Variants in HDAC9 observed in about 807,000 individuals in gnomAD.
The protein encoded by HDAC9 is histone deacetylase 9.
HDAC9 carries 41 observed loss-of-function variants against 139.4 expected under a neutral mutation model. That is an observed-to-expected ratio of 0.29 (90% confidence interval 0.23 to 0.38). HDAC9 has a LOEUF of 0.38. Ranked by LOEUF, HDAC9 falls within the 10% of genes least tolerant of loss-of-function variation. The pLI is 1.00. For synonymous variants in HDAC9, 517 were observed against 476.2 expected (o/e 1.09, Z -1.12); for missense variants, 1,147 against 1,297.0 (o/e 0.88, Z 1.78).
chr7:18,687,157 C>G (rs1782334147), intron 12 of HDAC9, among the ~76,000 whole-genome samples: 1 of 151,838 alleles, frequency 6.6e-6, no homozygotes, highest in South Asian at 2.1e-4. Flanking sequence ...TATCAAAATT[C>G]TTAGTGTAGC....
At chr7:18,459,733 G>A (rs939540583) in intron 1 of HDAC9, among the ~76,000 whole-genome samples, 1 of 151,930 alleles carries the variant, frequency 6.6e-6, no homozygotes, top group Non-Finnish European at 1.5e-5. Context: ...TGTCCCCTTG[G>A]GCTACATCAT....
intron 1 of HDAC9, among the ~76,000 whole-genome samples, chr7:18,108,291 G>A (rs531730993): frequency 6.6e-6 from 1 of 152,172 alleles, no homozygotes; most frequent in African/African-American, 2.4e-5. Flanking sequence ...TGACCAGGGA[G>A]TGTGGGGCAG....
At chr7:18,589,610 A>G (rs949599164) in intron 3 of HDAC9, among the ~76,000 whole-genome samples, 2 of 152,174 alleles carry the variant, frequency 1.3e-5, no homozygotes, top group African/African-American at 4.8e-5. Flanking sequence ...AGTGAATTCA[A>G]GGGATTCAGA....
chr7:18,506,888 G>A (rs1253118643), intron 2 of HDAC9, among the ~76,000 whole-genome samples: 1 of 152,052 alleles, frequency 6.6e-6, no homozygotes, highest in Non-Finnish European at 1.5e-5. Context: ...ACTACCTCTT[G>A]ATGTTCCCAG....
intron 1 of HDAC9, among the ~76,000 whole-genome samples, chr7:18,435,059 C>CAAAAAAAAAAAAAAAAAAAAAAAAAAAA (rs376786180): frequency 1.5e-5 from 1 of 67,810 alleles, no homozygotes; most frequent in Non-Finnish European, 2.6e-5. Flanking sequence ...ACTACACAGC[C>CAAAAAAAAAAAAAAAAAAAAAAAAAAAA]AAAAAAAAAA....
At chr7:18,294,195 TCTAA>T (rs1454583898) in intron 1 of HDAC9, among the ~76,000 whole-genome samples, 1 of 152,106 alleles carries the variant, frequency 6.6e-6, no homozygotes, top group Non-Finnish European at 1.5e-5. Flanking sequence ...CAAAATATAT[TCTAA>T]CTACATTGTA....
At chr7:18,272,263 C>A (rs781632394) in intron 2 of HDAC9, among the ~76,000 whole-genome samples, 2 of 152,066 alleles carry the variant, frequency 1.3e-5, no homozygotes, top group South Asian at 2.1e-4. Context: ...TTGAAAGCAG[C>A]GCATCATTCA....
rs556083237 is a variant in HDAC9 at position 18,883,833 on chromosome 7, T to A, written c.2803+9237T>A. Among the ~76,000 whole-genome samples the A allele has an allele frequency of 3.9e-5, 6 of 152,120 alleles. No individual in the cohort carries two copies. The South Asian group carries it at 1.2e-3, about 32-fold the overall frequency. ...AAACCTGATAAAACCAATAATTAAATACAGTAAACTTGCAGAATATAATAT... is the reference window on the plus strand; with the variant it reads ...AAACCTGATAAAACCAATAATTAAAAACAGTAAACTTGCAGAATATAATAT... On this transcript the variant is annotated intron_variant, in intron 22 of 25. Transcript: ENST00000686413.
At chr7:18,950,072 T>C (rs1191786295) in intron 23 of HDAC9, among the ~76,000 whole-genome samples, 2 of 151,950 alleles carry the variant, frequency 1.3e-5, no homozygotes, top group Admixed American at 1.3e-4. Context: ...GGATTAGAGG[T>C]CTAGGTATTG....
At chr7:18,194,273 TTCCC>T (rs1790577672) in intron 2 of HDAC9, among the ~76,000 whole-genome samples, 1 of 152,218 alleles carries the variant, frequency 6.6e-6, no homozygotes, top group Non-Finnish European at 1.5e-5. Flanking sequence ...TAGGATTTTC[TTCCC>T]ATGTTTGGAA....
intron 2 of HDAC9, among the ~76,000 whole-genome samples, chr7:18,244,584 G>T (rs1462842001): frequency 6.6e-6 from 1 of 152,130 alleles, no homozygotes; most frequent in African/African-American, 2.4e-5. Context: ...GGATTACAAG[G>T]TCAGGAGTTC....
At chr7:18,610,254 G>T (rs1326269014) in intron 6 of HDAC9, among the ~76,000 whole-genome samples, 1 of 152,102 alleles carries the variant, frequency 6.6e-6, no homozygotes, top group Non-Finnish European at 1.5e-5. Flanking sequence ...GTGTTTGGAG[G>T]GGGTCATTTA....
At chr7:18,610,050 G>T (rs541464668) in intron 6 of HDAC9, among the ~76,000 whole-genome samples, 5 of 152,110 alleles carry the variant, frequency 3.3e-5, no homozygotes, top group Non-Finnish European at 4.4e-5. Context: ...CCCATTACTG[G>T]ATATGTACCC....
At chr7:18,169,333 A>G (rs1788240729) in intron 2 of HDAC9, among the ~76,000 whole-genome samples, 1 of 150,086 alleles carries the variant, frequency 6.7e-6, no homozygotes, top group South Asian at 2.1e-4. Flanking sequence ...CACCCCTCTT[A>G]TTTTCTCGGT....
intron 14 of HDAC9, among the ~76,000 whole-genome samples, chr7:18,759,031 A>G (rs1647388612): frequency 6.6e-6 from 1 of 152,182 alleles, no homozygotes; most frequent in South Asian, 2.1e-4. Flanking sequence ...AAAAAGATAA[A>G]TCAAAGTGAA....
chr7:18,980,963 A>C (rs571632730), intron 25 of HDAC9, among the ~76,000 whole-genome samples: 29 of 152,030 alleles, frequency 1.9e-4, no homozygotes, highest in South Asian at 4.2e-4. Context: ...ATCTGGGACT[A>C]CAGGCACGTG....
At chr7:18,175,175 C>T (rs1562709087) in intron 2 of HDAC9, among the ~76,000 whole-genome samples, 2 of 152,194 alleles carry the variant, frequency 1.3e-5, no homozygotes, top group South Asian at 4.1e-4. Flanking sequence ...GGACACCCCT[C>T]CCCCCTGCCA....
chr7:18,451,917 G>T (rs985170943), intron 1 of HDAC9, among the ~76,000 whole-genome samples: 4 of 152,116 alleles, frequency 2.6e-5, no homozygotes, highest in Non-Finnish European at 4.4e-5. Context: ...GAACAGCATG[G>T]CAATGTCACC....
intron 2 of HDAC9, among the ~76,000 whole-genome samples, chr7:18,523,077 G>A (rs1222788035): frequency 6.6e-6 from 1 of 152,128 alleles, no homozygotes; most frequent in African/African-American, 2.4e-5. Context: ...ATGAAGGGGA[G>A]TTCAGTGTTT....
Sources: gnomAD v4.1 joint callset for allele counts (sites outside exome capture counted in the v4.1 genomes callset) on GRCh38, gnomAD v4.1.1 for gene constraint, MANE v1.5 for transcripts, NCBI Gene and HGNC (gene_info 2026-07-23, HGNC 2026-07-21) for gene names.